RIF1: variants seen among roughly 807,000 people sequenced by gnomAD.
RIF1 encodes the protein telomere-associated protein RIF1.
Under a neutral mutation model 247.1 loss-of-function variants are expected in RIF1, and 45 were observed. The observed-to-expected ratio is 0.18, with a 90% CI of 0.14 to 0.23. RIF1 has a LOEUF of 0.23. Ranked by LOEUF, RIF1 falls within the 10% of genes least tolerant of loss-of-function variation. RIF1 has a pLI of 1.00. For synonymous variants in RIF1, 1,087 were observed against 978.8 expected, an observed-to-expected ratio of 1.11 and a Z score of -2.06; for missense variants, 2,967 against 2,862.5, an observed-to-expected ratio of 1.04 and a Z score of -0.83.
In RIF1 at chr2:151,464,126, T is replaced by C; in HGVS notation, c.4606T>C (p.Tyr1536His). ...GAAACTAGTCAGAGGCCGAACACGG[T>C]ATCAAACTAGAAGAGCATCTCAGGG... ...SEKLVRGRTR[Y>H]QTRRASQGLL... The change falls in exon 30 of 36, where the codon TAT (tyrosine) becomes CAT (histidine). Residue 1536 changes from tyrosine (Y) to histidine (H), a missense_variant. By Grantham distance (83) the Tyr-to-His change is moderately conservative. This residue lies in a region of RIF1 where 2,028 missense variants were observed against 1,825.6 expected (regional missense o/e 1.11). Transcript: ENST00000444746. 1 of 1,611,914 alleles carries C rather than the reference T, an allele frequency of 6.2e-7. No individual in the cohort carries two copies. The highest frequency in any genetic ancestry group is 1.7e-4 in the Middle Eastern group (1 of 6,042).
chr2:151,451,951 A>G (rs1326798293), intron 21 of RIF1, among the ~76,000 whole-genome samples: 1 of 152,196 alleles, frequency 6.6e-6, no homozygotes, highest in Non-Finnish European at 1.5e-5. Context: ...TTTACAACGC[A>G]GAAAGATAAA....
chr2:151,461,220 C>T lies in RIF1; in HGVS notation c.3158C>T (p.Pro1053Leu), dbSNP rs979364847. 2.5e-6 allele frequency: 4 copies of T among 1,613,012 alleles called. No homozygotes were observed. Among genetic ancestry groups the T allele is most frequent in the Admixed American group, 3.3e-5 (2 of 59,938 alleles). ...AAGTCTACTGACTTTGTGTTTATAC[C>T]TCCAGAAGGAAAAGATGCAAAGGAA... The part of the protein sequence containing the change: ...EEKSTDFVFI[P>L]PEGKDAKERI... Residue 1053 changes from proline to leucine, a missense_variant, in exon 27 of 36, where the codon CCT becomes CTT. Transcript: ENST00000444746.
chr2:151,510,571 T>TAAGA (rs1208507228), downstream of RIF1, among the ~76,000 whole-genome samples: 1 of 152,226 alleles, frequency 6.6e-6, no homozygotes, highest in African/African-American at 2.4e-5. Context: ...TACATTACAA[T>TAAGA]AAGATATTCT....
chr2:151,516,467 G>C, the RIF1 span: 1 of 1,608,974 alleles, frequency 6.2e-7, no homozygotes, highest in African/African-American at 1.3e-5. Context: ...ACCCCACTCT[G>C]CATCTGCTGA....
At chr2:151,485,730 C>A, downstream of RIF1, 2 of 1,577,616 alleles carry the variant, frequency 1.3e-6, no homozygotes, top group Non-Finnish European at 1.7e-6. Context: ...ATCTGTAAGT[C>A]CTGCAGACAA....
Position 151,451,675 on chromosome 2 carries a change from TATA to T in RIF1, c.2318_2320del (p.Asn773del), listed in dbSNP as rs767184261. The T allele has an allele frequency of 1.4e-6, 2 of 1,457,802 alleles. No homozygotes were observed. Among genetic ancestry groups the T allele is most frequent in the Admixed American group, 1.7e-5 (1 of 59,602 alleles). 90.3% of individuals were successfully genotyped at this position (1,457,802 alleles called of 1,614,324 possible). A position where few individuals can be genotyped will look rare whatever the true frequency, so the allele number is the denominator to read the frequency against. On this transcript the variant is annotated inframe_deletion, in exon 21 of 36. Coordinates refer to ENST00000444746, the MANE Select transcript of RIF1 (RefSeq NM_018151.5). ...GGTTGATTGCATTGACTTCTCACCATATAATATTAAATATCAGCCCAAAGTTAA... is the reference window on the plus strand; with the variant it reads ...GGTTGATTGCATTGACTTCTCACCATATATTAAATATCAGCCCAAAGTTAA...
chr2:151,514,900 G>A, the RIF1 span: 9 of 1,578,846 alleles, frequency 5.7e-6, no homozygotes, highest in Non-Finnish European at 3.4e-6. Flanking sequence ...GCCTTTAATG[G>A]ACTCTTCATA....
In RIF1 at chr2:151,502,867, A is replaced by G. The variant is rs763873161; in HGVS notation, c.*710-167A>G. On this transcript the variant is annotated intron_variant and NMD_transcript_variant, in intron 11 of 13. Coordinates refer to the RIF1 transcript ENST00000454583. ...ATAGGTGTTGGGATTCCTTTCCCCA[A>G]ATTTTCTTTGTACAAAACCTGTGAG... 60 of 1,602,390 alleles carry G rather than the reference A, an allele frequency of 3.7e-5. No homozygotes were observed. The highest frequency in any genetic ancestry group is 4.6e-5 in the Non-Finnish European group (54 of 1,173,402).
At position 151,452,619 on chromosome 2, in the gene RIF1, T is replaced by C. The variant is rs535052879; in HGVS notation, c.2344+914T>C. On this transcript the variant is annotated intron_variant, in intron 21 of 35. Transcript: ENST00000444746. ...CTGAGTGCCGTGGAAATATAGGTTA[T>C]AGATGTTCTTGACATACTGATCTTA... is the stretch of plus-strand genomic sequence containing the variant. Among the ~76,000 whole-genome samples, 11 of 152,350 alleles carry C rather than the reference T, an allele frequency of 7.2e-5. No individual in the cohort carries two copies. In the East Asian group the frequency reaches 2.1e-3, roughly 29 times the overall value.
At chr2:151,414,615 T>A (rs372848570) in intron 3 of RIF1, among the ~76,000 whole-genome samples, 8 of 152,252 alleles carry the variant, frequency 5.3e-5, no homozygotes, top group African/African-American at 1.7e-4. Context: ...GTGATCTCGA[T>A]CCAGTTTCCT....
chr2:151,457,401 G>A (rs990055013), intron 23 of RIF1, among the ~76,000 whole-genome samples: 2 of 152,192 alleles, frequency 1.3e-5, no homozygotes, highest in African/African-American at 4.8e-5. Flanking sequence ...GGGATTACAG[G>A]CGTGAACCAC....
chr2:151,514,451 C>A, the RIF1 span: 1 of 1,524,610 alleles, frequency 6.6e-7, no homozygotes, highest in Non-Finnish European at 9.1e-7. Flanking sequence ...AGAAAAGCAA[C>A]AACATTGACA....
Position 151,469,841 on chromosome 2 carries a change from C to T in RIF1, c.7072C>T (p.Leu2358Phe). The change falls in exon 34 of 36, where the codon CTC becomes TTC. Residue 2358 changes from leucine to phenylalanine, a missense_variant. Physicochemically the swap from Leu to Phe is conservative, Grantham distance 22 (BLOSUM62 0). This residue lies in a region of RIF1 where 151 missense variants were observed against 163.4 expected (regional missense o/e 0.92). Coordinates refer to ENST00000444746, the MANE Select transcript of RIF1 (RefSeq NM_018151.5). ...SPKVSNVKKA[L>F]RIYHEQQVKT... ...AAAAGTGTCCAATGTAAAAAAGGCT[C>T]TCAGAATATATCATGAGCAGCAGGT... The T allele has an allele frequency of 6.2e-7, 1 of 1,606,506 alleles. No individual in the cohort carries two copies.
At chr2:151,473,450 T>G (rs985404566) in intron 34 of RIF1, among the ~76,000 whole-genome samples, 1 of 151,654 alleles carries the variant, frequency 6.6e-6, no homozygotes, top group African/African-American at 2.4e-5. Flanking sequence ...CACCGTAATT[T>G]TTGTGTTTTT....
chr2:151,491,505 G>T, intron 9 of RIF1: 1 of 533,086 alleles, frequency 1.9e-6, no homozygotes, highest in Non-Finnish European at 3.3e-6. Context: ...TTTCTAACTT[G>T]AACTTATCTA....
Position 151,473,936 on chromosome 2 carries a change from G to A in RIF1, c.7096-28G>A, listed in dbSNP as rs746289081. ...CAATTTGTTGTTGTTGTTGTTTTGC[G>A]TTTTTTTCTGCTCCAACTGTAATCA... On this transcript the variant is annotated intron_variant, in intron 34 of 35. Coordinates refer to ENST00000444746, the MANE Select transcript of RIF1 (RefSeq NM_018151.5). 7 of 1,196,504 alleles carry A rather than the reference G, an allele frequency of 5.9e-6. No individual in the cohort carries two copies. The highest frequency in any genetic ancestry group is 1.5e-5 in the African/African-American group (1 of 66,386). The allele number at this position is 1,196,504 out of a possible 1,614,324, so 74.1% of individuals were successfully genotyped here. A position where few individuals can be genotyped will look rare whatever the true frequency, so the allele number is the denominator to read the frequency against.
rs377658734 is a variant in RIF1 at position 151,465,082 on chromosome 2, A to C, written c.5562A>C (p.Ser1854=). 1.7e-5 allele frequency: 27 copies of C among 1,602,368 alleles called. No homozygotes were observed. The highest frequency in any genetic ancestry group is 2.2e-5 in the Non-Finnish European group (26 of 1,177,310). The change falls in exon 30 of 36, where the codon TCA becomes TCC. Residue 1854 remains serine, a synonymous_variant. Transcript: ENST00000444746. ...SEAMSLESQE[S]PNENFKTVGP... is the part of the protein sequence containing the mutation. The stretch of plus-strand genomic sequence containing the variant: ...CAATGTCTCTTGAAAGCCAGGAGTC[A>C]CCTAATGAAAATTTTAAAACTGTTG...
rs530386018 is a variant in RIF1, at chr2:151,475,341, C to G, written c.*270C>G. On this transcript the variant is annotated 3_prime_UTR_variant, in exon 36 of 36. Transcript: ENST00000444746. Reference sequence around the variant, plus strand: ...ATCTTACTGAGATGTGAAAGCAAAACTAGTAACAGAACTTACATTTTATTT... The same window carrying G: ...ATCTTACTGAGATGTGAAAGCAAAAGTAGTAACAGAACTTACATTTTATTT... 2.6e-6 allele frequency: 1 copy of G among 381,928 alleles called. No homozygotes were observed. The highest frequency in any genetic ancestry group is 2.1e-5 in the African/African-American group (1 of 47,108). 23.7% of individuals were successfully genotyped at this position (381,928 alleles called of 1,614,324 possible). A position where few individuals can be genotyped will look rare whatever the true frequency, so the allele number is the denominator to read the frequency against.
chr2:151,434,167 C>T (rs564503281), intron 10 of RIF1, among the ~76,000 whole-genome samples: 3 of 110,468 alleles, frequency 2.7e-5, no homozygotes, highest in African/African-American at 1.1e-4. Flanking sequence ...GACTCCATCT[C>T]AAAAAAAAAA....
Sources: gnomAD v4.1 joint callset for allele counts (sites outside exome capture counted in the v4.1 genomes callset) on GRCh38, gnomAD v4.1.1 for gene constraint, gnomAD v4.1.1 regional missense constraint, MANE v1.5 for transcripts, NCBI Gene and HGNC (gene_info 2026-07-23, HGNC 2026-07-21) for gene names.